SYT1: variants seen among roughly 807,000 people sequenced by gnomAD.
The protein encoded by SYT1 is synaptotagmin 1.
SYT1 carries 8 observed loss-of-function variants against 44.8 expected under a neutral mutation model. The ratio of observed to expected loss-of-function variants is 0.18; its 90% confidence interval spans 0.10 to 0.32. The LOEUF is 0.32. Ranked by LOEUF, SYT1 falls within the 10% of genes least tolerant of loss-of-function variation. SYT1 has a pLI of 1.00. For synonymous variants in SYT1, 154 were observed against 188.8 expected, an observed-to-expected ratio of 0.82 and a Z score of 1.51; for missense variants, 286 against 509.3, an observed-to-expected ratio of 0.56 and a Z score of 4.22.
intron 3 of SYT1, among the ~76,000 whole-genome samples, chr12:79,136,658 T>A (rs1869210974): frequency 6.6e-6 from 1 of 152,242 alleles, no homozygotes. Context: ...TTTAACATGT[T>A]ACCTAAAGCA....
intron 3 of SYT1, among the ~76,000 whole-genome samples, chr12:79,205,828 G>A (rs1433874328): frequency 6.6e-6 from 1 of 152,072 alleles, no homozygotes; most frequent in African/African-American, 2.4e-5. Flanking sequence ...GACTACAATT[G>A]CTAAATATAA....
At chr12:79,031,007 T>C (rs1872795475) in intron 2 of SYT1, among the ~76,000 whole-genome samples, 1 of 151,078 alleles carries the variant, frequency 6.6e-6, no homozygotes, top group African/African-American at 2.4e-5. Flanking sequence ...TCTAAACTTT[T>C]GGAGCTGCTG....
intron 7 of SYT1, 123 bp downstream of exon 7, chr12:79,296,359 C>G: frequency 1.0e-6 from 1 of 995,568 alleles, no homozygotes; most frequent in Non-Finnish European, 1.4e-6. Flanking sequence ...TAATTCCAGT[C>G]AGAATATGCA....
intron 8 of SYT1, among the ~76,000 whole-genome samples, chr12:79,313,892 G>A (rs7297633): frequency 0.045 from 6,749 of 149,144 alleles, 232 homozygotes; most frequent in African/African-American, 0.059. Flanking sequence ...TAGCGGGGCC[G>A]GGCGCGGTGG....
At chr12:79,276,635 C>A (rs1878740404) in intron 4 of SYT1, among the ~76,000 whole-genome samples, 2 of 149,556 alleles carry the variant, frequency 1.3e-5, no homozygotes. Flanking sequence ...AAGATCGCGC[C>A]ACTGCACTCT....
chr12:79,213,800 C>A (rs928484069), intron 3 of SYT1, among the ~76,000 whole-genome samples: 5 of 152,122 alleles, frequency 3.3e-5, no homozygotes, highest in African/African-American at 1.2e-4. Context: ...TGGTGGGTGC[C>A]TGTAATCCTG....
At chr12:79,207,400 T>G (rs892928003) in intron 3 of SYT1, among the ~76,000 whole-genome samples, 14 of 152,226 alleles carry the variant, frequency 9.2e-5, no homozygotes, top group Non-Finnish European at 1.6e-4. Context: ...CCAGGATACA[T>G]GTACAGGACA....
intron 3 of SYT1, among the ~76,000 whole-genome samples, chr12:79,198,489 A>C (rs1315345405): frequency 6.6e-6 from 1 of 151,566 alleles, no homozygotes; most frequent in Non-Finnish European, 1.5e-5. Context: ...AAATATTTGA[A>C]TATAAATTGA....
intron 4 of SYT1, among the ~76,000 whole-genome samples, chr12:79,265,226 A>T (rs1400075780): frequency 7.9e-5 from 12 of 152,136 alleles, no homozygotes; most frequent in Admixed American, 7.9e-4. Context: ...TTTTATGCTT[A>T]TCTCTTCTCT....
intron 4 of SYT1, among the ~76,000 whole-genome samples, chr12:79,271,680 T>A (rs1469278384): frequency 6.6e-6 from 1 of 152,226 alleles, no homozygotes; most frequent in Admixed American, 6.5e-5. Flanking sequence ...TTATGCCTAC[T>A]TGTCATGAAA....
At chr12:78,913,290 GTTAATT>G (rs1876449324) in intron 1 of SYT1, among the ~76,000 whole-genome samples, 1 of 151,074 alleles carries the variant, frequency 6.6e-6, no homozygotes, top group African/African-American at 2.4e-5. Context: ...ATAGCTATTA[GTTAATT>G]TTAAACTAAG....
chr12:79,231,218 T>G (rs2138617405), intron 4 of SYT1, among the ~76,000 whole-genome samples: 1 of 152,342 alleles, frequency 6.6e-6, no homozygotes, highest in Admixed American at 6.5e-5. Context: ...TGCTTGGCTT[T>G]ATTTTTGTTT....
Position 79,364,067 on chromosome 12 carries a change from T to C in SYT1, c.928+10448T>C, listed in dbSNP as rs565499425. On this transcript the variant is annotated intron_variant, in intron 9 of 10. Coordinates refer to ENST00000261205, the MANE Select transcript of SYT1 (RefSeq NM_005639.3). ...TCATCTTCCAAATGATCTGACTTAA[T>C]TTCATCACTTAATGCAATTATTTTG... Among the ~76,000 whole-genome samples, 16 of 152,354 alleles carry C rather than the reference T, an allele frequency of 1.1e-4. No individual in the cohort carries two copies. The East Asian group carries it at 3.1e-3, about 29-fold the overall frequency.
At chr12:78,876,629 A>G (rs1311697734) in intron 1 of SYT1, among the ~76,000 whole-genome samples, 1 of 135,672 alleles carries the variant, frequency 7.4e-6, no homozygotes, top group African/African-American at 2.7e-5. Flanking sequence ...ATGTATATAC[A>G]CACGTGTACA....
intron 9 of SYT1, among the ~76,000 whole-genome samples, chr12:79,421,403 A>G (rs1000379220): frequency 1.3e-5 from 2 of 152,036 alleles, no homozygotes; most frequent in Non-Finnish European, 2.9e-5. Flanking sequence ...TGTGCTTCTG[A>G]ACTGTTTGAC....
At chr12:78,973,647 T>G (rs1868536617) in intron 1 of SYT1, among the ~76,000 whole-genome samples, 1 of 152,006 alleles carries the variant, frequency 6.6e-6, no homozygotes, top group Non-Finnish European at 1.5e-5. Flanking sequence ...ATTTTGTTAA[T>G]CTAATGTGCT....
intron 1 of SYT1, among the ~76,000 whole-genome samples, chr12:78,941,387 T>C (rs1878362890): frequency 7.2e-6 from 1 of 139,800 alleles, no homozygotes; most frequent in Non-Finnish European, 1.5e-5. Context: ...CATTTCTTAA[T>C]AGAATCTACA....
chr12:79,312,373 A>C (rs1240584982), intron 8 of SYT1, among the ~76,000 whole-genome samples: 1 of 152,238 alleles, frequency 6.6e-6, no homozygotes, highest in African/African-American at 2.4e-5. Context: ...TGAAAAGTAC[A>C]TTAGCAGTAT....
At chr12:79,179,697 G>C (rs1872397607) in intron 3 of SYT1, among the ~76,000 whole-genome samples, 1 of 151,692 alleles carries the variant, frequency 6.6e-6, no homozygotes, top group African/African-American at 2.4e-5. Context: ...TGGGATTACA[G>C]GCGGGAGCCA....
Sources: gnomAD v4.1 joint callset for allele counts (sites outside exome capture counted in the v4.1 genomes callset) on GRCh38, gnomAD v4.1.1 for gene constraint, MANE v1.5 for transcripts, NCBI Gene and HGNC (gene_info 2026-07-23, HGNC 2026-07-21) for gene names.